The following XYLT1 variants were observed in gnomAD, a reference collection of about 807,000 sequenced individuals.
XYLT1 encodes beta-D-xylosyltransferase 1.
XYLT1 carries 36 observed loss-of-function variants against 91.3 expected under a neutral mutation model. The ratio of observed to expected loss-of-function variants is 0.39; its 90% CI spans 0.30 to 0.52. XYLT1 has a LOEUF of 0.52. Ranked by LOEUF, XYLT1 falls within the 20% of genes least tolerant of loss-of-function variation. XYLT1 has a pLI of 0.68. For synonymous variants in XYLT1, 588 were observed against 532.0 expected, an observed-to-expected ratio of 1.11 and a Z score of -1.45; for missense variants, 1,242 against 1,284.5, an observed-to-expected ratio of 0.97 and a Z score of 0.51.
At chr16:17,203,202 T>C (rs1217903334) in intron 3 of XYLT1, among the ~76,000 whole-genome samples, 3 of 152,186 alleles carry the variant, frequency 2.0e-5, no homozygotes, top group Non-Finnish European at 4.4e-5. Flanking sequence ...TAGTTGCTTG[T>C]TGCTAACCAA....
intron 2 of XYLT1, among the ~76,000 whole-genome samples, chr16:17,355,740 C>T (rs1435406310): frequency 1.3e-5 from 2 of 152,066 alleles, no homozygotes; most frequent in Non-Finnish European, 2.9e-5. Flanking sequence ...GACCGAGTCT[C>T]ACTCTGTCAC....
chr16:17,302,717 G>A (rs527474242), intron 2 of XYLT1, among the ~76,000 whole-genome samples: 5 of 152,280 alleles, frequency 3.3e-5, no homozygotes, highest in African/African-American at 1.2e-4. Context: ...CACCCATGCA[G>A]ACTGCCATAA....
chr16:17,145,623 G>T (rs758970187), intron 6 of XYLT1, among the ~76,000 whole-genome samples: 1 of 152,200 alleles, frequency 6.6e-6, no homozygotes, highest in African/African-American at 2.4e-5. Context: ...TGAGATTCTG[G>T]ATCTCACTGT....
chr16:17,206,959 T>G (rs538598628), intron 3 of XYLT1, among the ~76,000 whole-genome samples: 1 of 152,272 alleles, frequency 6.6e-6, no homozygotes, highest in African/African-American at 2.4e-5. Flanking sequence ...TGGAAATTTC[T>G]GAATCATCTG....
chr16:17,360,883 G>A (rs1483557954), intron 1 of XYLT1, among the ~76,000 whole-genome samples: 1 of 152,214 alleles, frequency 6.6e-6, no homozygotes, highest in African/African-American at 2.4e-5. Context: ...ACGCTACAGT[G>A]GAGTGCTTTT....
chr16:17,127,920 C>T, intron 9 of XYLT1, 59 bp from the exon 10 acceptor site: 1 of 1,512,586 alleles, frequency 6.6e-7, no homozygotes, highest in Non-Finnish European at 9.0e-7. Flanking sequence ...CAGTGAGGCT[C>T]CCCACCCACC....
At chr16:17,379,762 C>T (rs1467193367) in intron 1 of XYLT1, among the ~76,000 whole-genome samples, 4 of 135,218 alleles carry the variant, frequency 3.0e-5, no homozygotes, top group African/African-American at 1.3e-4. Context: ...CTCTCTCTCT[C>T]TCACACACAC....
At chr16:17,435,225 C>T (rs901943613) in intron 1 of XYLT1, among the ~76,000 whole-genome samples, 9 of 152,214 alleles carry the variant, frequency 5.9e-5, no homozygotes, top group Admixed American at 1.3e-4. Context: ...TGGGATCTGT[C>T]CTGGAAGCAC....
chr16:17,420,232 A>G (rs945253911), intron 1 of XYLT1, among the ~76,000 whole-genome samples: 15 of 152,364 alleles, frequency 9.8e-5, no homozygotes, highest in African/African-American at 3.6e-4. Context: ...AGTTATACAC[A>G]TAATTTTTTA....
At chr16:17,255,984 G>T (rs965583491) in intron 3 of XYLT1, among the ~76,000 whole-genome samples, 3 of 152,058 alleles carry the variant, frequency 2.0e-5, no homozygotes, top group African/African-American at 7.2e-5. Flanking sequence ...CTCCAGCCTG[G>T]GCGACAGAGC....
rs557036625 is a variant in XYLT1, at chr16:17,180,517, T to C, written c.1289+17695A>G. Among the ~76,000 whole-genome samples, 13 of 152,226 alleles carry C rather than the reference T, an allele frequency of 8.5e-5. No individual in the cohort carries two copies. In the East Asian group the frequency reaches 2.3e-3, roughly 27 times the overall value. The stretch of plus-strand genomic sequence containing the variant: ...AAGTAATGTTGACTGATGAATACAA[T>C]TAAATTGCACTGAGGAGAATCCCTC... On this transcript the variant is annotated intron_variant, in intron 5 of 11. Coordinates refer to ENST00000261381, the MANE Select transcript of XYLT1 (RefSeq NM_022166.4).
intron 1 of XYLT1, among the ~76,000 whole-genome samples, chr16:17,398,538 G>A (rs974764270): frequency 1.3e-5 from 2 of 152,078 alleles, no homozygotes; most frequent in African/African-American, 2.4e-5. Flanking sequence ...TGATGTATTC[G>A]TTTCTTGCCA....
intron 3 of XYLT1, among the ~76,000 whole-genome samples, chr16:17,215,754 C>T (rs1333474357): frequency 1.3e-5 from 2 of 151,974 alleles, no homozygotes; most frequent in Non-Finnish European, 2.9e-5. Flanking sequence ...TGCAAAGGGC[C>T]TGTCACGAAT....
intron 3 of XYLT1, among the ~76,000 whole-genome samples, chr16:17,245,020 C>G (rs1457281795): frequency 6.6e-6 from 1 of 151,386 alleles, no homozygotes; most frequent in African/African-American, 2.5e-5. Context: ...AATCTCTTGT[C>G]ACAAAACCAC....
intron 3 of XYLT1, among the ~76,000 whole-genome samples, chr16:17,238,631 C>T (rs1278364129): frequency 6.6e-6 from 1 of 152,240 alleles, no homozygotes; most frequent in Non-Finnish European, 1.5e-5. Flanking sequence ...TCATGGCCTA[C>T]AAGGTCCTGC....
At chr16:17,254,836 C>T (rs745488234) in intron 3 of XYLT1, among the ~76,000 whole-genome samples, 1 of 152,130 alleles carries the variant, frequency 6.6e-6, no homozygotes, top group Non-Finnish European at 1.5e-5. Flanking sequence ...AAAAGTTGTG[C>T]TCTATTTTTT....
chr16:17,159,731 T>C (rs1307444238), intron 5 of XYLT1, among the ~76,000 whole-genome samples: 1 of 152,260 alleles, frequency 6.6e-6, no homozygotes, highest in Non-Finnish European at 1.5e-5. Context: ...AGTGACATCG[T>C]TGCCAGCATT....
chr16:17,308,649 A>G (rs1455275036), intron 2 of XYLT1, among the ~76,000 whole-genome samples: 1 of 152,096 alleles, frequency 6.6e-6, no homozygotes, highest in East Asian at 1.9e-4. Context: ...CTTCTTTAGA[A>G]CTTCCTTGGC....
At chr16:17,292,103 CACAT>C (rs533489523) in intron 2 of XYLT1, among the ~76,000 whole-genome samples, 2,546 of 150,628 alleles carry the variant, frequency 0.017, 89 homozygotes, top group Admixed American at 0.1. Context: ...CACACACACA[CACAT>C]ATACACATAT....
Sources: gnomAD v4.1 joint callset for allele counts (sites outside exome capture counted in the v4.1 genomes callset) on GRCh38, gnomAD v4.1.1 for gene constraint, MANE v1.5 for transcripts, NCBI Gene and HGNC (gene_info 2026-07-23, HGNC 2026-07-21) for gene names.